Variants in DHX32 observed in about 807,000 individuals in gnomAD.
DHX32 encodes putative pre-mRNA-splicing factor ATP-dependent RNA helicase DHX32.
A neutral mutation model predicts 70.0 loss-of-function variants in DHX32; 51 were observed. That is an observed-to-expected ratio of 0.73 (90% confidence interval 0.58 to 0.92). The LOEUF (loss-of-function observed/expected upper bound fraction) is 0.92, where lower values mean the gene tolerates loss of function less well. Among genes scored for constraint, DHX32 ranks in the 40% least tolerant of loss-of-function variants. The pLI is 0.00. For missense variants in DHX32, 762 were observed against 891.8 expected, an observed-to-expected ratio of 0.85 and a Z score of 1.85; for synonymous variants, 310 against 315.3, an observed-to-expected ratio of 0.98 and a Z score of 0.18.
intron 2 of DHX32, among the ~76,000 whole-genome samples, chr10:125,861,262 C>G (rs1222900978): frequency 6.6e-6 from 1 of 151,642 alleles, no homozygotes; most frequent in Admixed American, 6.6e-5. Flanking sequence ...CTTTGGGAGG[C>G]CGAGGCAGGC....
At chr10:125,867,839 T>C (rs1944232786) in intron 1 of DHX32, among the ~76,000 whole-genome samples, 1 of 152,190 alleles carries the variant, frequency 6.6e-6, no homozygotes, top group Non-Finnish European at 1.5e-5. Flanking sequence ...TATTTTCTTT[T>C]TGATTAGAAG....
chr10:125,881,147 C>A lies in DHX32; in HGVS notation c.-323G>T. Reference sequence around the variant, plus strand: ...GTTAAAAAGAAAATGCACAGGAGTTCAAATGAAAAGCATTATTTTTTTTTT... The same window carrying A: ...GTTAAAAAGAAAATGCACAGGAGTTAAAATGAAAAGCATTATTTTTTTTTT... On this transcript the variant is annotated 5_prime_UTR_variant, in exon 1 of 11. An upstream open reading frame in the 5' UTR loses its in-frame stop. Coordinates refer to ENST00000284690, the MANE Select transcript of DHX32 (RefSeq NM_018180.3). 1 of 232,954 alleles carries A rather than the reference C, an allele frequency of 4.3e-6. No individual in the cohort carries two copies. Among genetic ancestry groups the A allele is most frequent in the Non-Finnish European group, 8.2e-6 (1 of 122,456 alleles). 14.4% of individuals were successfully genotyped at this position (232,954 alleles called of 1,614,324 possible). A position where few individuals can be genotyped will look rare whatever the true frequency, so the allele number is the denominator to read the frequency against.
At chr10:125,851,494 G>A (rs562687578) in intron 6 of DHX32, among the ~76,000 whole-genome samples, 1 of 152,266 alleles carries the variant, frequency 6.6e-6, no homozygotes, top group Non-Finnish European at 1.5e-5. Flanking sequence ...CTACTACCCT[G>A]AGCAAGAAGA....
At chr10:125,853,166 G>C (rs765172574) in intron 4 of DHX32, 1 of 1,612,846 alleles carries the variant, frequency 6.2e-7, no homozygotes, top group East Asian at 2.2e-5. Context: ...TTCTCTGAAG[G>C]CTGGACTAAT....
intron 3 of DHX32, among the ~76,000 whole-genome samples, chr10:125,859,180 A>T (rs1005759031): frequency 1.3e-5 from 2 of 151,978 alleles, no homozygotes; most frequent in Non-Finnish European, 2.9e-5. Flanking sequence ...TGTGTTACTT[A>T]ACTCTATGGT....
intron 4 of DHX32, chr10:125,853,404 T>C (rs888215769): frequency 1.5e-5 from 6 of 398,418 alleles, no homozygotes; most frequent in Non-Finnish European, 8.9e-6. Context: ...GATACCTTGT[T>C]TTCATTTTTT....
intron 1 of DHX32, among the ~76,000 whole-genome samples, chr10:125,872,487 G>C (rs1419189671): frequency 6.6e-6 from 1 of 152,098 alleles, no homozygotes; most frequent in Non-Finnish European, 1.5e-5. Context: ...ACAGAAAATT[G>C]CTCCTCTAAC....
chr10:125,841,035 A>G, intron 7 of DHX32, 39 bp from the exon 8 acceptor site: 1 of 1,577,556 alleles, frequency 6.3e-7, no homozygotes, highest in Non-Finnish European at 8.6e-7. Context: ...GCAATAATGA[A>G]GACATTTTAT....
chr10:125,890,809 G>A (rs552029308), intron 1 of DHX32: 59 of 120,616 alleles, frequency 4.9e-4, no homozygotes, highest in Non-Finnish European at 9.2e-4. Context: ...AGTGGCTCAT[G>A]CCTGTAATCC....
At chr10:125,853,211 AC>A in intron 4 of DHX32, 2 of 1,612,266 alleles carry the variant, frequency 1.2e-6, no homozygotes, top group Non-Finnish European at 1.7e-6. Flanking sequence ...TTTCCAGGGA[AC>A]CTTCATGACT....
At chr10:125,888,256 T>G (rs1278407343) in intron 1 of DHX32, among the ~76,000 whole-genome samples, 1 of 151,106 alleles carries the variant, frequency 6.6e-6, no homozygotes, top group Non-Finnish European at 1.5e-5. Flanking sequence ...CAGGCTGGAG[T>G]GCAGTGGCAT....
intron 6 of DHX32, among the ~76,000 whole-genome samples, chr10:125,851,333 T>G (rs1161193840): frequency 2.0e-5 from 3 of 152,250 alleles, no homozygotes; most frequent in Non-Finnish European, 4.4e-5. Flanking sequence ...CCTAACCCTT[T>G]TGTCCCCCAG....
At chr10:125,859,027 T>A (rs911375217) in intron 3 of DHX32, among the ~76,000 whole-genome samples, 6 of 149,314 alleles carry the variant, frequency 4.0e-5, no homozygotes, top group African/African-American at 1.5e-4. Flanking sequence ...AAAGGTTTTT[T>A]TTTTTGTTTG....
upstream of DHX32, among the ~76,000 whole-genome samples, chr10:125,881,589 C>T (rs568468226): frequency 6.6e-6 from 1 of 152,150 alleles, no homozygotes; most frequent in East Asian, 1.9e-4. Flanking sequence ...TTTAGAAAGC[C>T]AAGTGAGGGG....
At chr10:125,871,229 T>A (rs939141856) in intron 1 of DHX32, among the ~76,000 whole-genome samples, 5 of 152,220 alleles carry the variant, frequency 3.3e-5, no homozygotes, top group Non-Finnish European at 7.3e-5. Context: ...AATATACCAA[T>A]CCAACAGTCT....
chr10:125,867,552 T>A (rs184322020), intron 1 of DHX32, among the ~76,000 whole-genome samples: 5 of 151,972 alleles, frequency 3.3e-5, no homozygotes, highest in Admixed American at 1.3e-4. Context: ...CTGGCTAACA[T>A]GGTGAAACCC....
Position 125,854,119 on chromosome 10 carries a change from G to A in DHX32, c.934C>T (p.Pro312Ser). The change falls in exon 4 of 11, where the codon CCA becomes TCA. Residue 312 changes from proline to serine, a missense_variant. Coordinates refer to ENST00000284690, the MANE Select transcript of DHX32 (RefSeq NM_018180.3). ...LGELVVVPLYPKEKCSLFKPL... is the reference protein window; with the variant it reads ...LGELVVVPLYSKEKCSLFKPL... ...TTGAACAATGAACATTTCTCTTTTG[G>A]ATACAAAGGAACAACCACCAGTTCT... The A allele has an allele frequency of 6.2e-7, 1 of 1,613,604 alleles. No individual in the cohort carries two copies. Among genetic ancestry groups the A allele is most frequent in the South Asian group, 1.1e-5 (1 of 91,050 alleles).
At chr10:125,895,410 T>A (rs1158062915) in intron 1 of DHX32, among the ~76,000 whole-genome samples, 1 of 152,256 alleles carries the variant, frequency 6.6e-6, no homozygotes, top group East Asian at 1.9e-4. Context: ...AAATCAATCC[T>A]GCAGCCCCCC....
intron 1 of DHX32, among the ~76,000 whole-genome samples, chr10:125,895,985 C>T (rs1455826382): frequency 6.0e-5 from 9 of 150,770 alleles, no homozygotes; most frequent in East Asian, 2.0e-4. Context: ...GCCCCTGGTG[C>T]GAGGGCTGCC....
Sources: allele counts gnomAD v4.1 joint callset (sites outside exome capture counted in the v4.1 genomes callset), GRCh38; gene constraint gnomAD v4.1.1; transcripts MANE v1.5; gene names NCBI Gene and HGNC (gene_info 2026-07-23, HGNC 2026-07-21).